Variants in EPM2A observed in about 807,000 individuals in gnomAD.
EPM2A encodes laforin.
EPM2A carries 21 observed loss-of-function variants against 26.5 expected under a neutral mutation model. The ratio of observed to expected loss-of-function variants is 0.79; its 90% confidence interval spans 0.56 to 1.14. The LOEUF is 1.14. Ranked by LOEUF, EPM2A falls within the 50% of genes most tolerant of loss-of-function variation. The probability of loss-of-function intolerance (pLI) is 0.00; values close to 1 mark genes in which losing one functional copy is unlikely to be tolerated. For synonymous variants in EPM2A, 217 were observed against 177.6 expected, an observed-to-expected ratio of 1.22 and a Z score of -1.76; for missense variants, 458 against 440.8, an observed-to-expected ratio of 1.04 and a Z score of -0.35.
At chr6:145,611,948 T>A (rs1175857370) in intron 2 of EPM2A, among the ~76,000 whole-genome samples, 1 of 152,168 alleles carries the variant, frequency 6.6e-6, no homozygotes, top group Non-Finnish European at 1.5e-5. Flanking sequence ...TGCTTAATGA[T>A]GAAAAGAATC....
At chr6:145,656,796 C>T (rs1356355745) in intron 2 of EPM2A, among the ~76,000 whole-genome samples, 5 of 152,160 alleles carry the variant, frequency 3.3e-5, no homozygotes, top group South Asian at 2.1e-4. Context: ...AACTACAGTA[C>T]TGGAAGTGCT....
chr6:145,733,931 A>G (rs530310334), intron 1 of EPM2A, among the ~76,000 whole-genome samples: 12 of 152,296 alleles, frequency 7.9e-5, no homozygotes, highest in Non-Finnish European at 1.6e-4. Flanking sequence ...CACCCACTCC[A>G]GTCTACAACC....
intron 2 of EPM2A, among the ~76,000 whole-genome samples, chr6:145,556,862 G>C (rs188929154): frequency 1.3e-5 from 2 of 152,134 alleles, no homozygotes; most frequent in African/African-American, 4.8e-5. Flanking sequence ...TAGTGTGTTT[G>C]TAGTTTTATT....
chr6:145,453,731 T>C (rs1305023789), intron 4 of EPM2A, among the ~76,000 whole-genome samples: 1 of 152,204 alleles, frequency 6.6e-6, no homozygotes, highest in African/African-American at 2.4e-5. Context: ...TATTAGCATA[T>C]GGCTTCATAA....
intron 4 of EPM2A, among the ~76,000 whole-genome samples, chr6:145,447,241 T>C (rs986197829): frequency 3.9e-5 from 6 of 152,160 alleles, no homozygotes; most frequent in Non-Finnish European, 8.8e-5. Context: ...TTCACCCAGG[T>C]ACACACTTGG....
chr6:145,725,345 G>A (rs535516674), intron 1 of EPM2A, among the ~76,000 whole-genome samples: 1 of 152,146 alleles, frequency 6.6e-6, no homozygotes, highest in African/African-American at 2.4e-5. Context: ...CAGTGGAAAT[G>A]AAAAATACTA....
chr6:145,393,410 G>A (rs935364872), intron 4 of EPM2A, among the ~76,000 whole-genome samples: 1 of 150,642 alleles, frequency 6.6e-6, no homozygotes, highest in African/African-American at 2.4e-5. Context: ...AAACAGAATT[G>A]TGAGAAATAG....
In EPM2A at chr6:145,592,581, T is replaced by C. The variant is rs146883092; in HGVS notation, c.340+42664A>G. ...TCTAGTTCTACAATGGTTGAACTAG[T>C]TTACAGTCCCACCAACAAGTGTAAA... On this transcript the variant is annotated intron_variant, in intron 2 of 3. Coordinates refer to the EPM2A transcript ENST00000450221. Among the ~76,000 whole-genome samples the C allele has an allele frequency of 4.6e-3, 707 of 152,048 alleles. 26 individuals carry two copies. The East Asian group carries it at 0.084, about 18-fold the overall frequency.
chr6:145,588,140 T>C (rs779149177), intron 2 of EPM2A, among the ~76,000 whole-genome samples: 11 of 152,180 alleles, frequency 7.2e-5, no homozygotes, highest in Non-Finnish European at 1.5e-4. Context: ...GTCCCAATAA[T>C]GTGCCTTTAT....
At chr6:145,637,556 A>G (rs1286959655) in intron 2 of EPM2A, 3 of 151,690 alleles carry the variant, frequency 2.0e-5, no homozygotes, top group Non-Finnish European at 2.9e-5. Flanking sequence ...TTATTATGGG[A>G]AAAAAATGAT....
rs958366800 is a variant in EPM2A, at chr6:145,627,597, C to T, written c.815G>A (p.Arg272His). 23 of 1,614,110 alleles carry T rather than the reference C, an allele frequency of 1.4e-5. No individual in the cohort carries two copies. In the Admixed American group the frequency reaches 3.2e-4, roughly 22 times the overall value. Residue 272 changes from arginine to histidine, a missense_variant, in exon 4 of 4, where the codon CGC (arginine) becomes CAC (histidine). Coordinates refer to ENST00000367519, the MANE Select transcript of EPM2A (RefSeq NM_005670.4). ...CCAGCCGCAGACAGCCGCGGTGGAG[C>T]GGCCCACCCCAGCGTTGCAGTGCAC... ...VYVHCNAGVGRSTAAVCGWLQ... is the reference protein window; with the variant it reads ...VYVHCNAGVGHSTAAVCGWLQ...
intron 2 of EPM2A, among the ~76,000 whole-genome samples, chr6:145,591,829 T>C (rs1056676362): frequency 6.6e-5 from 10 of 151,922 alleles, no homozygotes; most frequent in African/African-American, 2.2e-4. Context: ...ACTATTTTTA[T>C]TTTATTAATA....
At chr6:145,435,315 A>G (rs904136781) in intron 4 of EPM2A, among the ~76,000 whole-genome samples, 1 of 151,834 alleles carries the variant, frequency 6.6e-6, no homozygotes, top group African/African-American at 2.4e-5. Flanking sequence ...GAAGATAAAT[A>G]CCAGAACAAA....
intron 4 of EPM2A, among the ~76,000 whole-genome samples, chr6:145,440,043 T>C (rs978054029): frequency 1.3e-5 from 2 of 152,252 alleles, no homozygotes; most frequent in Non-Finnish European, 1.5e-5. Flanking sequence ...AGTTAGCAAG[T>C]TAGCCCAGAA....
chr6:145,505,407 A>T (rs1166311085), intron 2 of EPM2A, among the ~76,000 whole-genome samples: 1 of 152,132 alleles, frequency 6.6e-6, no homozygotes, highest in African/African-American at 2.4e-5. Flanking sequence ...ACACACACAC[A>T]AATATGTATG....
intron 2 of EPM2A, chr6:145,638,422 A>G (rs552331881): frequency 6.6e-6 from 1 of 152,332 alleles, no homozygotes; most frequent in Non-Finnish European, 1.5e-5. Flanking sequence ...CTGGCCTTCA[A>G]ATGTTTTTAA....
rs1776822048 is a variant in EPM2A at position 145,735,465 on chromosome 6, C to T, written c.34G>A (p.Ala12Thr). ...AGCTCCGGCCGGGCGCCGGCCACGG[C>T]GGGTGGCACCACCACCCCAAAGCGG... ...RFRFGVVVPP[A>T]VAGARPELLV... Residue 12 changes from alanine (A) to threonine (T), a missense_variant, in exon 1 of 4, where the codon GCC becomes ACC. Coordinates refer to ENST00000367519, the MANE Select transcript of EPM2A (RefSeq NM_005670.4). The T allele has an allele frequency of 1.6e-6, 2 of 1,224,754 alleles. No homozygotes were observed. Among genetic ancestry groups the T allele is most frequent in the African/African-American group, 1.6e-5 (1 of 63,230 alleles). The allele number at this position is 1,224,754 out of a possible 1,614,324, so 75.9% of individuals were successfully genotyped here. A position where few individuals can be genotyped will look rare whatever the true frequency, so the allele number is the denominator to read the frequency against.
chr6:145,664,766 A>T (rs973462829), intron 2 of EPM2A, among the ~76,000 whole-genome samples: 5 of 151,754 alleles, frequency 3.3e-5, no homozygotes, highest in Non-Finnish European at 7.4e-5. Flanking sequence ...CTTGGAAGTA[A>T]AGCTCTCCTC....
chr6:145,421,667 A>T (rs1778785068), intron 4 of EPM2A, among the ~76,000 whole-genome samples: 1 of 151,986 alleles, frequency 6.6e-6, no homozygotes, highest in Non-Finnish European at 1.5e-5. Flanking sequence ...AATAAGTTCA[A>T]ATATGCCAGT....
Sources: gnomAD v4.1 joint callset for allele counts (sites outside exome capture counted in the v4.1 genomes callset) on GRCh38, gnomAD v4.1.1 for gene constraint, MANE v1.5 for transcripts, NCBI Gene and HGNC (gene_info 2026-07-23, HGNC 2026-07-21) for gene names.